MEMO1: variants seen among roughly 807,000 people sequenced by gnomAD.
MEMO1 encodes mediator of cell motility 1, also known as protein MEMO1.
In MEMO1, 6 loss-of-function variants were observed where a neutral mutation model predicts 45.2. The ratio of observed to expected loss-of-function variants is 0.13; its 90% CI spans 0.07 to 0.26. The LOEUF is 0.26. Ranked by LOEUF, MEMO1 falls within the 10% of genes least tolerant of loss-of-function variation. The pLI, the probability that MEMO1 is intolerant of heterozygous loss-of-function variation, is 1.00. For missense variants in MEMO1, 184 were observed against 370.5 expected (o/e 0.50, Z 4.13); for synonymous variants, 78 against 124.3 (o/e 0.63, Z 2.48).
chr2:31,921,267 C>T (rs1682278152), intron 4 of MEMO1, among the ~76,000 whole-genome samples: 1 of 152,184 alleles, frequency 6.6e-6, no homozygotes, highest in African/African-American at 2.4e-5. Flanking sequence ...CTGACAGAAA[C>T]TTGATATTGA....
chr2:31,916,186 C>A (rs1681409857), intron 6 of MEMO1, among the ~76,000 whole-genome samples: 1 of 152,048 alleles, frequency 6.6e-6, no homozygotes, highest in African/African-American at 2.4e-5. Context: ...GTTATAACCT[C>A]CTTGAGGATA....
At chr2:31,922,094 G>A (rs773351786) in intron 4 of MEMO1, among the ~76,000 whole-genome samples, 3 of 152,032 alleles carry the variant, frequency 2.0e-5, no homozygotes, top group Non-Finnish European at 4.4e-5. Context: ...AAAACTATGA[G>A]AAGAAAATAT....
intron 8 of MEMO1, among the ~76,000 whole-genome samples, chr2:31,871,742 A>G (rs1673782567): frequency 6.6e-6 from 1 of 152,270 alleles, no homozygotes; most frequent in African/African-American, 2.4e-5. Flanking sequence ...GGCCAGGTAC[A>G]GTGGCTCATG....
chr2:32,003,342 A>T (rs1055384882), intron 2 of MEMO1, among the ~76,000 whole-genome samples: 1 of 152,198 alleles, frequency 6.6e-6, no homozygotes, highest in East Asian at 1.9e-4. Flanking sequence ...CAGACTTTGG[A>T]TATTTCCTCA....
At chr2:31,875,774 C>T (rs1376002927) in intron 8 of MEMO1, among the ~76,000 whole-genome samples, 1 of 152,094 alleles carries the variant, frequency 6.6e-6, no homozygotes, top group Non-Finnish European at 1.5e-5. Context: ...GTAACCTCCA[C>T]CTACCAGGTT....
intron 7 of MEMO1, among the ~76,000 whole-genome samples, chr2:31,891,591 T>G (rs956763971): frequency 2.0e-5 from 3 of 148,880 alleles, no homozygotes; most frequent in Non-Finnish European, 3.0e-5. Flanking sequence ...AAAAAGGAAA[T>G]GTGGAAAAGG....
intron 2 of MEMO1, among the ~76,000 whole-genome samples, chr2:31,986,485 A>T (rs1671278757): frequency 6.6e-6 from 1 of 152,116 alleles, no homozygotes; most frequent in Admixed American, 6.5e-5. Context: ...AAAAAATAAT[A>T]ATAATAATAT....
chr2:31,989,889 G>A (rs1341848738), intron 2 of MEMO1, among the ~76,000 whole-genome samples: 1 of 152,130 alleles, frequency 6.6e-6, no homozygotes, highest in Non-Finnish European at 1.5e-5. Flanking sequence ...GGCCGAAGTA[G>A]ACAAGATCAC....
rs111779427 is a variant in MEMO1 at position 31,910,759 on chromosome 2, C to T, written c.437+7167G>A. 2.0e-3 allele frequency among the ~76,000 whole-genome samples: 307 copies of T among 152,156 alleles called. 1 individual carries two copies. Among genetic ancestry groups the T allele is most frequent in the African/African-American group, 6.8e-3 (281 of 41,514 alleles). ...TCTGTAGTCCCAGCTACTCGAGAGGCTGAGGTGGGAGGATCCCTTCAGCCC... is the reference window on the plus strand; with the variant it reads ...TCTGTAGTCCCAGCTACTCGAGAGGTTGAGGTGGGAGGATCCCTTCAGCCC... On this transcript the variant is annotated intron_variant, in intron 6 of 9. Transcript: ENST00000404530.
At chr2:31,999,542 T>C (rs909415848) in intron 2 of MEMO1, among the ~76,000 whole-genome samples, 1 of 152,104 alleles carries the variant, frequency 6.6e-6, no homozygotes. Context: ...CGCTGGTGCC[T>C]GCCTGTAGTC....
intron 3 of MEMO1, among the ~76,000 whole-genome samples, chr2:31,932,444 GTT>G (rs557249663): frequency 1.4e-5 from 2 of 143,486 alleles, no homozygotes; most frequent in Admixed American, 6.9e-5. Context: ...TTTTGTTGTT[GTT>G]TTTTTTTTTT....
chr2:31,971,731 A>G (rs1326150896), intron 2 of MEMO1, among the ~76,000 whole-genome samples: 1 of 152,068 alleles, frequency 6.6e-6, no homozygotes, highest in Non-Finnish European at 1.5e-5. Context: ...GCATTTTGGG[A>G]GGCCGAGGTG....
intron 6 of MEMO1, among the ~76,000 whole-genome samples, chr2:31,913,573 A>G (rs1309664786): frequency 2.0e-5 from 3 of 151,930 alleles, no homozygotes; most frequent in Non-Finnish European, 4.4e-5. Context: ...TTTTTTTAAA[A>G]AAAGAACATT....
At chr2:32,008,883 T>C (rs894657025) in intron 2 of MEMO1, among the ~76,000 whole-genome samples, 5 of 152,140 alleles carry the variant, frequency 3.3e-5, no homozygotes, top group Non-Finnish European at 5.9e-5. Flanking sequence ...TTTAGCAACC[T>C]CAGAGAAATG....
chr2:31,975,219 G>C (rs1669872771), intron 2 of MEMO1, among the ~76,000 whole-genome samples: 1 of 152,128 alleles, frequency 6.6e-6, no homozygotes, highest in Non-Finnish European at 1.5e-5. Flanking sequence ...TACTTAGTCT[G>C]CAAAAGGAAA....
intron 2 of MEMO1, among the ~76,000 whole-genome samples, chr2:31,975,686 TCCAAA>T (rs1669926022): frequency 6.6e-6 from 1 of 152,122 alleles, no homozygotes; most frequent in Non-Finnish European, 1.5e-5. Flanking sequence ...GAAAATGATG[TCCAAA>T]TAAGCATTAG....
At chr2:31,893,912 C>T (rs1677331073) in intron 6 of MEMO1, among the ~76,000 whole-genome samples, 1 of 152,102 alleles carries the variant, frequency 6.6e-6, no homozygotes, top group Admixed American at 6.5e-5. Context: ...TGAATCGAGG[C>T]TCATTTATCC....
intron 2 of MEMO1, among the ~76,000 whole-genome samples, chr2:31,993,959 T>A (rs1253601900): frequency 7.9e-6 from 1 of 125,964 alleles, no homozygotes; most frequent in Non-Finnish European, 1.7e-5. Flanking sequence ...CTTTTTTTTT[T>A]TTTTTTTTTT....
intron 6 of MEMO1, among the ~76,000 whole-genome samples, chr2:31,894,673 C>A (rs186130131): frequency 1.3e-5 from 2 of 152,098 alleles, no homozygotes; most frequent in African/African-American, 2.4e-5. Context: ...AAGCTGGAAA[C>A]CTGAGAGACC....
Sources: gnomAD v4.1 joint callset for allele counts (sites outside exome capture counted in the v4.1 genomes callset) on GRCh38, gnomAD v4.1.1 for gene constraint, MANE v1.5 for transcripts, NCBI Gene and HGNC (gene_info 2026-07-23, HGNC 2026-07-21) for gene names.